Variants in KDM2B observed in about 807,000 individuals in gnomAD.
The protein encoded by KDM2B is lysine demethylase 2B.
KDM2B carries 26 observed loss-of-function variants against 150.0 expected under a neutral mutation model. That is an observed-to-expected ratio of 0.17 (90% confidence interval 0.13 to 0.24). The LOEUF is 0.24. KDM2B is among the 10% of genes least tolerant of loss of function. The pLI, the probability that KDM2B is intolerant of heterozygous loss-of-function variation, is 1.00. For missense variants in KDM2B, 1,265 were observed against 1,816.9 expected (o/e 0.70, Z 5.52); for synonymous variants, 734 against 729.5 (o/e 1.01, Z -0.10).
intron 12 of KDM2B, among the ~76,000 whole-genome samples, chr12:121,486,723 T>C (rs563319133): frequency 3.9e-4 from 56 of 144,396 alleles, no homozygotes; most frequent in African/African-American, 1.4e-3. Context: ...GAGGCGGAGG[T>C]TGGTACTGAG....
rs138636948 is a variant in KDM2B, at chr12:121,429,882, A to G, written c.*406T>C. On this transcript the variant is annotated 3_prime_UTR_variant, in exon 23 of 23. Transcript: ENST00000377071. The stretch of plus-strand genomic sequence containing the variant: ...AAAAAAAGTGTCAAGACGGCAGCAG[A>G]TGTGGTGTGTGGTCCACTTTATGTC... 1.6e-4 allele frequency: 93 copies of G among 588,648 alleles called. No homozygotes were observed. The highest frequency in any genetic ancestry group is 2.2e-4 in the Non-Finnish European group (71 of 328,958). The allele number at this position is 588,648 out of a possible 1,614,324, so 36.5% of individuals were successfully genotyped here. A position where few individuals can be genotyped will look rare whatever the true frequency, so the allele number is the denominator to read the frequency against.
At chr12:121,543,983 G>A (rs1460850781) in intron 6 of KDM2B, among the ~76,000 whole-genome samples, 1 of 151,808 alleles carries the variant, frequency 6.6e-6, no homozygotes, top group Non-Finnish European at 1.5e-5. Context: ...GCGTGGTGGT[G>A]TGTGCCTATG....
intron 12 of KDM2B, among the ~76,000 whole-genome samples, chr12:121,457,508 C>G (rs781959385): frequency 2.0e-5 from 3 of 151,904 alleles, no homozygotes; most frequent in Non-Finnish European, 4.4e-5. Flanking sequence ...GTGATTTGCC[C>G]GCCTCAGCCT....
rs140634801 is a variant in KDM2B at position 121,430,438 on chromosome 12, G to A, written c.3861C>T (p.Ser1287=). The part of the protein sequence containing the change: ...DCNKVTDQCL[S]FFKRCGNICH... Reference sequence around the variant, plus strand: ...AGATGTTTCCACAGCGTTTGAAGAAGGACAGGCACTGATCAGTGACCTTAT... The same window carrying A: ...AGATGTTTCCACAGCGTTTGAAGAAAGACAGGCACTGATCAGTGACCTTAT... Residue 1287 remains serine (S), a synonymous_variant, in exon 23 of 23, where the codon TCC becomes TCT. Transcript: ENST00000377071. This position sits in a 1 kb window ranked among gnomAD's most constrained non-coding sequence, Gnocchi z 4.4. 1.9e-6 allele frequency: 3 copies of A among 1,613,948 alleles called. No homozygotes were observed. The African/African-American group carries it at 4.0e-5, about 22-fold the overall frequency.
the KDM2B span, among the ~76,000 whole-genome samples, chr12:121,422,160 T>C: frequency 1.3e-5 from 2 of 152,234 alleles, no homozygotes; most frequent in African/African-American, 4.8e-5. Context: ...GCGTAGGATA[T>C]AACATGGTTG....
the KDM2B span, among the ~76,000 whole-genome samples, chr12:121,415,840 C>CTT: frequency 4.3e-3 from 462 of 108,060 alleles, 13 homozygotes; most frequent in South Asian, 0.019. Flanking sequence ...TTTGTCCAGT[C>CTT]TTTTTTTTTT....
intron 12 of KDM2B, among the ~76,000 whole-genome samples, chr12:121,475,837 T>C (rs1881303250): frequency 6.6e-6 from 1 of 151,952 alleles, no homozygotes; most frequent in Admixed American, 6.6e-5. Context: ...CTCCAAGAGT[T>C]GGGGCATCTC....
rs113514777 is a variant in KDM2B at position 121,441,347 on chromosome 12, C to T, written c.3285-114G>A. The T allele has an allele frequency of 1.6e-3, 1,514 of 974,046 alleles. 9 individuals are homozygous for T. The highest frequency in any genetic ancestry group is 0.015 in the African/African-American group (917 of 61,226). 60.3% of individuals were successfully genotyped at this position (974,046 alleles called of 1,614,324 possible). A position where few individuals can be genotyped will look rare whatever the true frequency, so the allele number is the denominator to read the frequency against. ...ACCTCTGGGAGGCTCCTTAACTCAG[C>T]GCTCTGGACCCTTCTCTATGTAGCA... On this transcript the variant is annotated intron_variant, in intron 19 of 22. Transcript: ENST00000377071.
intron 22 of KDM2B, among the ~76,000 whole-genome samples, chr12:121,433,413 T>C (rs1873402032): frequency 6.6e-6 from 1 of 152,184 alleles, no homozygotes; most frequent in Non-Finnish European, 1.5e-5. Flanking sequence ...AGATCTGGAA[T>C]CTCACTACTT....
the KDM2B span, among the ~76,000 whole-genome samples, chr12:121,414,049 G>C: frequency 2.6e-5 from 4 of 152,174 alleles, no homozygotes; most frequent in Non-Finnish European, 4.4e-5. Flanking sequence ...AGCAGAAACA[G>C]CCATTATCCT....
chr12:121,476,041 T>A (rs1881331326), intron 12 of KDM2B, among the ~76,000 whole-genome samples: 1 of 151,378 alleles, frequency 6.6e-6, no homozygotes, highest in South Asian at 2.1e-4. Context: ...ACGCTTGTAA[T>A]CCCAGCACTT....
chr12:121,539,014 G>T (rs1186382342), intron 6 of KDM2B, among the ~76,000 whole-genome samples: 2 of 151,986 alleles, frequency 1.3e-5, no homozygotes, highest in Non-Finnish European at 2.9e-5. Flanking sequence ...CAAACCACAA[G>T]GGGGCTGGAA....
At chr12:121,427,728 C>T (rs1468756713), downstream of KDM2B, among the ~76,000 whole-genome samples, 2 of 152,110 alleles carry the variant, frequency 1.3e-5, no homozygotes, top group African/African-American at 2.4e-5. Context: ...GATCCCCAGC[C>T]CTGGCAGCCC....
intron 6 of KDM2B, among the ~76,000 whole-genome samples, chr12:121,536,529 T>C (rs1285157330): frequency 6.6e-6 from 1 of 152,156 alleles, no homozygotes; most frequent in Non-Finnish European, 1.5e-5. Flanking sequence ...GGTGATCCTC[T>C]TCTCTCTAAG....
chr12:121,473,324 G>A (rs1269550111), intron 12 of KDM2B, among the ~76,000 whole-genome samples: 2 of 151,394 alleles, frequency 1.3e-5, no homozygotes, highest in Non-Finnish European at 1.5e-5. Flanking sequence ...CCTGGGAGAC[G>A]GAGGTTGCAG....
chr12:121,526,486 T>G (rs1369081576), intron 8 of KDM2B, among the ~76,000 whole-genome samples: 1 of 152,178 alleles, frequency 6.6e-6, no homozygotes. Context: ...TTTAGGAATA[T>G]GTGTTTTCAA....
chr12:121,529,061 T>C (rs1316128706), intron 8 of KDM2B, among the ~76,000 whole-genome samples: 6 of 152,174 alleles, frequency 3.9e-5, no homozygotes, highest in Non-Finnish European at 8.8e-5. Context: ...CCAATATCCC[T>C]GATTAACATA....
intron 4 of KDM2B, among the ~76,000 whole-genome samples, chr12:121,570,417 C>G (rs1891011312): frequency 6.6e-6 from 1 of 152,116 alleles, no homozygotes; most frequent in African/African-American, 2.4e-5. Context: ...AACTCCTGGC[C>G]TCAATCGATC....
chr12:121,450,240 G>C (rs894860146), intron 13 of KDM2B, among the ~76,000 whole-genome samples: 64 of 151,862 alleles, frequency 4.2e-4, no homozygotes, highest in African/African-American at 1.5e-3. Flanking sequence ...CTTGAACCCA[G>C]GAGGCAGAAG....
Sources: allele counts gnomAD v4.1 joint callset (sites outside exome capture counted in the v4.1 genomes callset), GRCh38; gene constraint gnomAD v4.1.1; non-coding constraint Gnocchi (gnomAD v3.1); transcripts MANE v1.5; gene names NCBI Gene and HGNC (gene_info 2026-07-23, HGNC 2026-07-21).